The following RAB27A variants were observed in gnomAD, a reference collection of about 807,000 sequenced individuals.
The protein encoded by RAB27A is ras-related protein Rab-27A.
RAB27A carries 17 observed loss-of-function variants against 20.8 expected under a neutral mutation model. That is an observed-to-expected ratio of 0.82 (90% CI 0.56 to 1.23). The LOEUF (loss-of-function observed/expected upper bound fraction) is 1.23. Among genes scored for constraint, RAB27A ranks in the 50% most tolerant of loss-of-function variants. The pLI is 0.00. For synonymous variants in RAB27A, 85 were observed against 92.8 expected (o/e 0.92, Z 0.48); for missense variants, 277 against 266.7 (o/e 1.04, Z -0.27).
chr15:55,315,096 A>C (rs1346605068), intron 1 of RAB27A, among the ~76,000 whole-genome samples: 2 of 152,188 alleles, frequency 1.3e-5, no homozygotes, highest in African/African-American at 2.4e-5. Flanking sequence ...CAGAACTCAG[A>C]AATACCACCA....
At chr15:55,210,281 GT>G (rs560258521) in intron 6 of RAB27A, among the ~76,000 whole-genome samples, 14 of 142,766 alleles carry the variant, frequency 9.8e-5, no homozygotes, top group South Asian at 2.2e-4. Flanking sequence ...TCTATTTTTA[GT>G]TTTTTTTTTT....
chr15:55,228,586 C>T (rs1895901997), intron 5 of RAB27A, 23 bp downstream of exon 5: 1 of 1,505,844 alleles, frequency 6.6e-7, no homozygotes, highest in Non-Finnish European at 9.2e-7. Context: ...TGTAGCAGGA[C>T]ACTGGGGAAC....
At chr15:55,272,896 A>T (rs1897749900) in intron 1 of RAB27A, among the ~76,000 whole-genome samples, 1 of 152,170 alleles carries the variant, frequency 6.6e-6, no homozygotes, top group African/African-American at 2.4e-5. Flanking sequence ...AGTCTCAGGG[A>T]TTCAGAACCC....
At chr15:55,210,093 T>A (rs1360398279) in intron 6 of RAB27A, among the ~76,000 whole-genome samples, 4 of 90,754 alleles carry the variant, frequency 4.4e-5, no homozygotes, top group African/African-American at 2.3e-4. Flanking sequence ...TACACATATA[T>A]GTGTGTATAT....
At chr15:55,230,712 A>ATTTATATTTT (rs1199500449) in intron 3 of RAB27A, among the ~76,000 whole-genome samples, 3 of 152,134 alleles carry the variant, frequency 2.0e-5, no homozygotes, top group Non-Finnish European at 2.9e-5. Flanking sequence ...GTAAAATATG[A>ATTTATATTTT]ATACAAAACA....
In RAB27A at chr15:55,256,082, G is replaced by A. The variant is rs372138792; in HGVS notation, c.-23+14083C>T. On this transcript the variant is annotated intron_variant, in intron 2 of 6. Coordinates refer to ENST00000336787, the MANE Select transcript of RAB27A (RefSeq NM_183235.3). ...TAAACTACTGGGTACATGTAAGATC[G>A]TTGTTTTACAAGTCAAGTAGAGGCT... is the stretch of plus-strand genomic sequence containing the variant. Among the ~76,000 whole-genome samples, 7 of 152,078 alleles carry A rather than the reference G, an allele frequency of 4.6e-5. No homozygotes were observed. In the South Asian group the frequency reaches 6.2e-4, roughly 14 times the overall value.
Position 55,270,206 on chromosome 15 carries a change from GT to G in RAB27A, c.-65del, listed in dbSNP as rs1279736555. 12 of 151,686 alleles carry G rather than the reference GT, an allele frequency of 7.9e-5. No homozygotes were observed. The highest frequency in any genetic ancestry group is 2.4e-4 in the African/African-American group (10 of 41,360). 9.4% of individuals were successfully genotyped at this position (151,686 alleles called of 1,614,324 possible). On this transcript the variant is annotated 5_prime_UTR_variant, in exon 2 of 7. Transcript: ENST00000336787. ...ACCGCTTGTTATGATTTTCTAAAAC[GT>G]TAGAGACTGGAGTTACCAATGCTTC...
intron 2 of RAB27A, among the ~76,000 whole-genome samples, chr15:55,250,009 C>T (rs540688088): frequency 1.4e-4 from 22 of 151,970 alleles, no homozygotes; most frequent in African/African-American, 3.9e-4. Context: ...TCACCCAGGC[C>T]GGAGTGCAGT....
intron 1 of RAB27A, among the ~76,000 whole-genome samples, chr15:55,273,142 C>G (rs1897755803): frequency 6.6e-6 from 1 of 152,246 alleles, no homozygotes; most frequent in African/African-American, 2.4e-5. Flanking sequence ...CACGGTGGCT[C>G]AAGCCTGTAA....
intron 2 of RAB27A, among the ~76,000 whole-genome samples, chr15:55,298,034 C>T (rs2054956682): frequency 6.6e-6 from 1 of 151,680 alleles, no homozygotes; most frequent in Non-Finnish European, 1.5e-5. Flanking sequence ...AACCCCGTCT[C>T]TACTAAAAAA....
chr15:55,300,508 C>T (rs979841296), intron 2 of RAB27A, among the ~76,000 whole-genome samples: 27 of 151,954 alleles, frequency 1.8e-4, no homozygotes, highest in African/African-American at 6.0e-4. Context: ...GGAGAAACCC[C>T]GTCTCTACTA....
intron 6 of RAB27A, among the ~76,000 whole-genome samples, chr15:55,215,918 G>T (rs1217770026): frequency 4.9e-5 from 7 of 142,946 alleles, no homozygotes; most frequent in African/African-American, 1.9e-4. Context: ...GGCACTCAAG[G>T]CTGGGCAACA....
At chr15:55,227,445 C>T (rs76163673) in intron 5 of RAB27A, among the ~76,000 whole-genome samples, 11,033 of 152,154 alleles carry the variant, frequency 0.073, 628 homozygotes, top group Admixed American at 0.16. Context: ...AATAATGAGG[C>T]AACTTAGCCA....
At chr15:55,254,799 G>A (rs570191923) in intron 2 of RAB27A, among the ~76,000 whole-genome samples, 3 of 152,302 alleles carry the variant, frequency 2.0e-5, no homozygotes, top group South Asian at 2.1e-4. Flanking sequence ...ATGAACTCGG[G>A]AGCAGCCCAA....
At chr15:55,261,770 T>G (rs1447924642) in intron 2 of RAB27A, among the ~76,000 whole-genome samples, 1 of 144,564 alleles carries the variant, frequency 6.9e-6, no homozygotes, top group Non-Finnish European at 1.5e-5. Context: ...CCAGGCACAG[T>G]GGCTCATGCC....
At chr15:55,293,421 T>C (rs1305925080), upstream of RAB27A, among the ~76,000 whole-genome samples, 3 of 151,016 alleles carry the variant, frequency 2.0e-5, no homozygotes, top group African/African-American at 7.3e-5. Flanking sequence ...TAAGCAAAGA[T>C]GCAAGATACT....
chr15:55,256,432 G>A (rs1476071679), intron 2 of RAB27A, among the ~76,000 whole-genome samples: 1 of 152,008 alleles, frequency 6.6e-6, no homozygotes. Context: ...AAAGAAAGAG[G>A]GAGCAATCTG....
intron 6 of RAB27A, among the ~76,000 whole-genome samples, chr15:55,210,079 T>C (rs566670577): frequency 1.5e-5 from 2 of 134,496 alleles, no homozygotes; most frequent in Non-Finnish European, 3.2e-5. Context: ...TACATATACA[T>C]ATATACACAT....
intron 6 of RAB27A, among the ~76,000 whole-genome samples, chr15:55,219,141 A>G (rs1381973683): frequency 2.0e-5 from 3 of 152,242 alleles, no homozygotes; most frequent in African/African-American, 7.2e-5. Flanking sequence ...AAGTATGGAC[A>G]GACATTTCAA....
Sources: gnomAD v4.1 joint callset for allele counts (sites outside exome capture counted in the v4.1 genomes callset) on GRCh38, gnomAD v4.1.1 for gene constraint, MANE v1.5 for transcripts, NCBI Gene and HGNC (gene_info 2026-07-23, HGNC 2026-07-21) for gene names.